The following LGALS16 variants were observed in gnomAD, a reference collection of about 807,000 sequenced individuals.
The protein encoded by LGALS16 is galectin-16.
A neutral mutation model predicts 13.2 loss-of-function variants in LGALS16; 15 were observed. The observed-to-expected ratio is 1.13, with a 90% CI of 0.76 to 1.75. The LOEUF (loss-of-function observed/expected upper bound fraction) is 1.75. LGALS16 is among the 40% of genes most tolerant of loss of function. LGALS16 has a pLI of 0.00. For missense variants in LGALS16, 198 were observed against 178.4 expected, an observed-to-expected ratio of 1.11 and a Z score of -0.63; for synonymous variants, 66 against 65.4, an observed-to-expected ratio of 1.01 and a Z score of -0.05.
At chr19:39,656,261 A>G (rs1206945504) in intron 1 of LGALS16, among the ~76,000 whole-genome samples, 1 of 152,134 alleles carries the variant, frequency 6.6e-6, no homozygotes, top group Non-Finnish European at 1.5e-5. Context: ...ATGGCACACC[A>G]GGTCAAGCAG....
In LGALS16 at chr19:39,658,668, G is replaced by T; in HGVS notation, c.301G>T (p.Glu101Ter). 6.4e-7 allele frequency: 1 copy of T among 1,567,478 alleles called. No homozygotes were observed. The part of the protein sequence containing the change: ...LRIYVCHNEY[E>*]VKVNGEYIYA... ...CATCTACGTGTGTCACAATGAGTATGAGGTGAGCACCCCAGGAGCTCGCAG... is the reference window on the plus strand; with the variant it reads ...CATCTACGTGTGTCACAATGAGTATTAGGTGAGCACCCCAGGAGCTCGCAG... Residue 101 changes from glutamate (E) to a stop codon, truncating the protein, a stop_gained and splice_region_variant, in exon 3 of 4, where the codon GAG becomes TAG. Transcript: ENST00000392051. LOFTEE classifies it low-confidence loss of function (END_TRUNC).
Position 39,660,607 on chromosome 19 carries a change from C to G in LGALS16, c.*87C>G. On this transcript the variant is annotated 3_prime_UTR_variant, in exon 4 of 4. Transcript: ENST00000392051. Reference sequence around the variant, plus strand: ...CTAACAGAATAATCCCTCCTCAACCCCTTCCCCTACACTTGGTCATTAAAA... The same window carrying G: ...CTAACAGAATAATCCCTCCTCAACCGCTTCCCCTACACTTGGTCATTAAAA... 1 of 1,136,870 alleles carries G rather than the reference C, an allele frequency of 8.8e-7. No individual in the cohort carries two copies. Among genetic ancestry groups the G allele is most frequent in the South Asian group, 1.4e-5 (1 of 71,768 alleles). The allele number at this position is 1,136,870 out of a possible 1,614,324, so 70.4% of individuals were successfully genotyped here.
intron 3 of LGALS16, among the ~76,000 whole-genome samples, chr19:39,659,700 T>C (rs1568484649): frequency 6.6e-6 from 1 of 152,198 alleles, no homozygotes; most frequent in Non-Finnish European, 1.5e-5. Flanking sequence ...TTGAAAAATA[T>C]GTGCATTTTA....
Position 39,660,488 on chromosome 19 carries a change from G to A in LGALS16, c.397G>A (p.Asp133Asn). Residue 133 changes from aspartate to asparagine, a missense_variant, in exon 4 of 4, where the codon GAC (aspartate) becomes AAC (asparagine). Transcript: ENST00000392051. ...TCAAGTGTGGAGAGATGTCTCCCTG[G>A]ACTCAGTGCTTGTCAACAATGGACG... ...MIQVWRDVSLDSVLVNNGRR is the reference protein window; with the variant it reads ...MIQVWRDVSLNSVLVNNGRR 10 of 1,543,198 alleles carry A rather than the reference G, an allele frequency of 6.5e-6. No homozygotes were observed. Among genetic ancestry groups the A allele is most frequent in the Non-Finnish European group, 8.7e-6 (10 of 1,149,040 alleles).
chr19:39,656,961 T>A (rs1973201451), intron 1 of LGALS16, among the ~76,000 whole-genome samples: 1 of 151,874 alleles, frequency 6.6e-6, no homozygotes, highest in Admixed American at 6.6e-5. Context: ...GAGCTTACAG[T>A]GGATATTAAT....
chr19:39,659,441 A>G lies in LGALS16; in HGVS notation c.303+771A>G, dbSNP rs111464983. On this transcript the variant is annotated intron_variant, in intron 3 of 3. Transcript: ENST00000392051. ...TATGTCTATGATTTCATTTGTTTTTAAGTAAATCCTGGTATGTTGCTCTAC... is the reference window on the plus strand; with the variant it reads ...TATGTCTATGATTTCATTTGTTTTTGAGTAAATCCTGGTATGTTGCTCTAC... Among the ~76,000 whole-genome samples the G allele has an allele frequency of 2.7e-3, 408 of 152,284 alleles. 1 individual carries two copies. Among genetic ancestry groups the G allele is most frequent in the African/African-American group, 8.6e-3 (357 of 41,552 alleles).
chr19:39,658,971 T>C (rs1272973838), intron 3 of LGALS16, among the ~76,000 whole-genome samples: 1 of 152,208 alleles, frequency 6.6e-6, no homozygotes, highest in Non-Finnish European at 1.5e-5. Context: ...GCTGAATGAA[T>C]ACAATATACT....
chr19:39,656,750 T>C (rs570865167), intron 1 of LGALS16, among the ~76,000 whole-genome samples: 2 of 152,190 alleles, frequency 1.3e-5, no homozygotes, highest in Admixed American at 1.3e-4. Flanking sequence ...CCACTGTCTC[T>C]TGCCTCCCAG....
At chr19:39,658,409 T>C in intron 2 of LGALS16, 51 bp from the exon 3 acceptor site, 5 of 1,414,130 alleles carry the variant, frequency 3.5e-6, no homozygotes, top group Non-Finnish European at 4.9e-6. Flanking sequence ...GTCAAGTGTG[T>C]GTCTGTGCAA....
intron 2 of LGALS16, 102 bp downstream of exon 2, chr19:39,658,061 G>A: frequency 1.4e-6 from 2 of 1,389,780 alleles, no homozygotes; most frequent in Admixed American, 3.7e-5. Context: ...CTAATTGGCA[G>A]GATGGAGGCC....
At chr19:39,658,095 A>T in intron 2 of LGALS16, 136 bp downstream of exon 2, 1 of 986,706 alleles carries the variant, frequency 1.0e-6, no homozygotes, top group Non-Finnish European at 1.5e-6. Context: ...GGTCCTGGAG[A>T]CCCTCCAGCA....
At chr19:39,658,150 G>A (rs747649980) in intron 2 of LGALS16, among the ~76,000 whole-genome samples, 191 bp downstream of exon 2, 2 of 152,226 alleles carry the variant, frequency 1.3e-5, no homozygotes, top group Non-Finnish European at 2.9e-5. Flanking sequence ...CAGCCATGGG[G>A]CCTAGGGGAG....
At chr19:39,659,773 C>G (rs988027455) in intron 3 of LGALS16, among the ~76,000 whole-genome samples, 6 of 152,150 alleles carry the variant, frequency 3.9e-5, no homozygotes, top group Non-Finnish European at 5.9e-5. Context: ...GGAATACATC[C>G]ATACTTTCTT....
intron 3 of LGALS16, among the ~76,000 whole-genome samples, chr19:39,659,218 G>A (rs1300928682): frequency 1.3e-5 from 2 of 151,356 alleles, no homozygotes; most frequent in East Asian, 1.9e-4. Flanking sequence ...TCTTGCCTTA[G>A]CCTCCCAAGT....
chr19:39,656,485 G>A (rs945474741), intron 1 of LGALS16, among the ~76,000 whole-genome samples: 1 of 152,140 alleles, frequency 6.6e-6, no homozygotes, highest in East Asian at 1.9e-4. Flanking sequence ...GTGGCCTTCT[G>A]TGCATGTGAA....
intron 1 of LGALS16, among the ~76,000 whole-genome samples, chr19:39,657,163 G>A (rs1300778087): frequency 6.6e-6 from 1 of 152,134 alleles, no homozygotes; most frequent in East Asian, 1.9e-4. Flanking sequence ...ACAAGAGGGG[G>A]CAGATGTGTG....
At chr19:39,656,530 G>C (rs958665106) in intron 1 of LGALS16, among the ~76,000 whole-genome samples, 4 of 152,180 alleles carry the variant, frequency 2.6e-5, no homozygotes, top group African/African-American at 7.2e-5. Context: ...TCTGATGAAG[G>C]AACTGTGTGT....
At chr19:39,659,559 G>A (rs1267813479) in intron 3 of LGALS16, among the ~76,000 whole-genome samples, 3 of 151,928 alleles carry the variant, frequency 2.0e-5, no homozygotes, top group Admixed American at 6.6e-5. Context: ...TGTTTATTTG[G>A]GCATTGAAGT....
rs1259704643 is a variant in LGALS16, at chr19:39,660,407, G to GCCTTT, written c.316_317insCCTTT (p.Gly106AlafsTer18). 25 of 1,540,544 alleles carry GCCTTT rather than the reference G, an allele frequency of 1.6e-5. No individual in the cohort carries two copies. The highest frequency in any genetic ancestry group is 1.9e-5 in the Non-Finnish European group (22 of 1,147,824). On this transcript the variant is annotated frameshift_variant, in exon 4 of 4. Transcript: ENST00000392051. LOFTEE classifies it low-confidence loss of function (END_TRUNC). ...TTTCCTCTTAAAGGTAAAGGTAAAT[G>GCCTTT]GTGAATACATTTATGCCTTTGTCCA... is the stretch of plus-strand genomic sequence containing the variant.
Sources: gnomAD v4.1 joint callset for allele counts (sites outside exome capture counted in the v4.1 genomes callset) on GRCh38, gnomAD v4.1.1 for gene constraint, MANE v1.5 for transcripts, NCBI Gene and HGNC (gene_info 2026-07-23, HGNC 2026-07-21) for gene names.